FOXP1: variants seen among roughly 807,000 people sequenced by gnomAD.
FOXP1 encodes the protein forkhead box protein P1.
FOXP1 carries 15 observed loss-of-function variants against 98.2 expected under a neutral mutation model. That is an observed-to-expected ratio of 0.15 (90% CI 0.10 to 0.24). FOXP1 has a LOEUF of 0.24. Ranked by LOEUF, FOXP1 falls within the 10% of genes least tolerant of loss-of-function variation. FOXP1 has a pLI of 1.00. For synonymous variants in FOXP1, 371 were observed against 314.5 expected (o/e 1.18, Z -1.90); for missense variants, 633 against 848.5 (o/e 0.75, Z 3.15).
chr3:71,477,600 C>T (rs1432371038), intron 3 of FOXP1, among the ~76,000 whole-genome samples: 1 of 152,096 alleles, frequency 6.6e-6, no homozygotes, highest in Non-Finnish European at 1.5e-5. Context: ...AGTTAGCAAA[C>T]ATTTCTAACC....
intron 3 of FOXP1, among the ~76,000 whole-genome samples, chr3:71,404,252 C>T (rs2082158247): frequency 6.6e-6 from 1 of 150,454 alleles, no homozygotes; most frequent in Admixed American, 6.6e-5. Flanking sequence ...CTCAGCCTCC[C>T]GAGTAGCTGG....
intron 3 of FOXP1, among the ~76,000 whole-genome samples, chr3:71,457,443 T>A (rs2087612371): frequency 6.6e-6 from 1 of 152,174 alleles, no homozygotes; most frequent in Non-Finnish European, 1.5e-5. Flanking sequence ...ACCTAAAATA[T>A]CCTCGGTAAT....
At chr3:71,149,541 G>T (rs928410985) in intron 6 of FOXP1, among the ~76,000 whole-genome samples, 4 of 152,002 alleles carry the variant, frequency 2.6e-5, no homozygotes, top group African/African-American at 7.3e-5. Context: ...TATGTATCAA[G>T]TATTTTTTAG....
chr3:71,057,291 C>CTTTTTT lies in FOXP1; in HGVS notation c.283-3524_283-3519dup. 1.1e-3 allele frequency among the ~76,000 whole-genome samples: 8 copies of CTTTTTT among 7,492 alleles called. 3 individuals are homozygous for CTTTTTT. The highest frequency in any genetic ancestry group is 2.7e-3 in the Non-Finnish European group (6 of 2,184). 4.9% of individuals were successfully genotyped at this position (7,492 alleles called of 152,430 possible). ...TTAAAAGTATTCAGTAAAAACGAAA[C>CTTTTTT]TTTTTTTTTTTTTTTTTTTTTTTTT... On this transcript the variant is annotated intron_variant, in intron 7 of 20. Coordinates refer to ENST00000649528, the MANE Select transcript of FOXP1 (RefSeq NM_001349338.3).
intron 5 of FOXP1, among the ~76,000 whole-genome samples, chr3:71,245,801 C>A (rs562207106): frequency 6.7e-6 from 1 of 148,950 alleles, no homozygotes; most frequent in East Asian, 2.0e-4. Context: ...CCAATCACCA[C>A]CCCCCCCACC....
intron 4 of FOXP1, among the ~76,000 whole-genome samples, chr3:71,339,111 T>C (rs1242923247): frequency 6.6e-6 from 1 of 152,262 alleles, no homozygotes; most frequent in East Asian, 1.9e-4. Flanking sequence ...CTCTTTTACA[T>C]TTTATTCTAT....
chr3:71,193,716 TG>T (rs1382318725), intron 6 of FOXP1, among the ~76,000 whole-genome samples: 2 of 152,220 alleles, frequency 1.3e-5, no homozygotes, highest in African/African-American at 4.8e-5. Flanking sequence ...CCCTAAGTGC[TG>T]GGATTACAGG....
chr3:71,191,549 A>G (rs891589368), intron 6 of FOXP1, among the ~76,000 whole-genome samples: 4 of 152,154 alleles, frequency 2.6e-5, no homozygotes, highest in Non-Finnish European at 4.4e-5. Flanking sequence ...TTAATTTTCA[A>G]TGGAGAGATT....
chr3:71,081,102 T>G (rs2054364980), intron 7 of FOXP1, among the ~76,000 whole-genome samples: 1 of 152,236 alleles, frequency 6.6e-6, no homozygotes, highest in African/African-American at 2.4e-5. Context: ...TAACGCTAAG[T>G]GTTCTGCATT....
chr3:71,390,276 T>A (rs1204802188), intron 3 of FOXP1, among the ~76,000 whole-genome samples: 1 of 152,080 alleles, frequency 6.6e-6, no homozygotes, highest in Admixed American at 6.6e-5. Context: ...AAGGGACTTT[T>A]CAGAAAAAGA....
intron 3 of FOXP1, among the ~76,000 whole-genome samples, chr3:71,457,912 G>A (rs1284139529): frequency 1.3e-5 from 2 of 152,156 alleles, no homozygotes; most frequent in Non-Finnish European, 2.9e-5. Context: ...ACAGGACAGG[G>A]ACTATTGTGC....
chr3:71,063,391 T>G (rs1318685111), intron 7 of FOXP1, among the ~76,000 whole-genome samples: 1 of 152,248 alleles, frequency 6.6e-6, no homozygotes, highest in Non-Finnish European at 1.5e-5. Context: ...CATCAAACCC[T>G]AAACTAGAAT....
intron 11 of FOXP1, among the ~76,000 whole-genome samples, chr3:71,036,763 C>T (rs2047653071): frequency 6.6e-6 from 1 of 152,144 alleles, no homozygotes; most frequent in Admixed American, 6.5e-5. Flanking sequence ...ACCTATCCCG[C>T]TTCATGAAAG....
intron 5 of FOXP1, chr3:71,295,975 T>C (rs2073247461): frequency 6.6e-6 from 1 of 152,190 alleles, no homozygotes; most frequent in Non-Finnish European, 1.5e-5. Context: ...GCCAGCTACC[T>C]CTTAGGAATG....
chr3:70,966,310 C>T (rs775731638), intron 19 of FOXP1: 103 of 514,974 alleles, frequency 2.0e-4, no homozygotes, highest in Non-Finnish European at 3.2e-4. Context: ...CAATTTGGTC[C>T]TGCTTGGTAG....
At chr3:71,058,892 TAAAAA>T (rs776471899) in intron 7 of FOXP1, among the ~76,000 whole-genome samples, 1 of 139,776 alleles carries the variant, frequency 7.2e-6, no homozygotes, top group African/African-American at 2.6e-5. Context: ...CTTAAAAAAA[TAAAAA>T]AAAAAAAGCA....
At chr3:70,963,838 G>A (rs186253330) in intron 20 of FOXP1, among the ~76,000 whole-genome samples, 3 of 152,288 alleles carry the variant, frequency 2.0e-5, no homozygotes, top group Admixed American at 2.0e-4. Context: ...CGAACGAAAC[G>A]TAGTGGTATC....
chr3:71,092,180 ACT>A (rs1009484584), intron 7 of FOXP1, among the ~76,000 whole-genome samples: 1 of 146,838 alleles, frequency 6.8e-6, no homozygotes, highest in African/African-American at 2.6e-5. Flanking sequence ...AGAGTGAGAG[ACT>A]CTGTCTCAGA....
intron 11 of FOXP1, among the ~76,000 whole-genome samples, chr3:71,027,399 G>A (rs1216415947): frequency 6.6e-6 from 1 of 152,194 alleles, no homozygotes; most frequent in Non-Finnish European, 1.5e-5. Context: ...AGCAGGAGAT[G>A]AAGGGACAAG....
Sources: gnomAD v4.1 joint callset for allele counts (sites outside exome capture counted in the v4.1 genomes callset) on GRCh38, gnomAD v4.1.1 for gene constraint, MANE v1.5 for transcripts, NCBI Gene and HGNC (gene_info 2026-07-23, HGNC 2026-07-21) for gene names.